Variants in KCNH1 observed in about 807,000 individuals in gnomAD.
The protein encoded by KCNH1 is potassium voltage-gated channel subfamily H member 1.
In KCNH1, 27 loss-of-function variants were observed where a neutral mutation model predicts 69.2. That is an observed-to-expected ratio of 0.39 (90% CI 0.29 to 0.54). The LOEUF is 0.54. KCNH1 is among the 20% of genes least tolerant of loss of function. The pLI is 0.68. For missense variants in KCNH1, 798 were observed against 1,261.6 expected (o/e 0.63, Z 5.57); for synonymous variants, 456 against 487.7 (o/e 0.93, Z 0.86).
intron 7 of KCNH1, among the ~76,000 whole-genome samples, chr1:210,891,370 TCA>T (rs1686746486): frequency 1.3e-5 from 2 of 151,900 alleles, no homozygotes; most frequent in South Asian, 4.2e-4. Context: ...GTGAGGAACA[TCA>T]CACACCAGGG....
intron 7 of KCNH1, among the ~76,000 whole-genome samples, chr1:210,842,751 C>A (rs776503976): frequency 4.6e-4 from 70 of 152,150 alleles, no homozygotes; most frequent in Non-Finnish European, 4.3e-4. Flanking sequence ...ATCTTACCCA[C>A]ATGCAGTCCT....
intron 5 of KCNH1, among the ~76,000 whole-genome samples, chr1:211,038,970 C>G (rs982236083): frequency 6.6e-6 from 1 of 152,184 alleles, no homozygotes; most frequent in Admixed American, 6.5e-5. Flanking sequence ...ATATGAATCC[C>G]CAAGACCATG....
intron 5 of KCNH1, among the ~76,000 whole-genome samples, chr1:211,031,848 C>T (rs1466659206): frequency 6.6e-6 from 1 of 152,078 alleles, no homozygotes; most frequent in Non-Finnish European, 1.5e-5. Context: ...TGAAAACTGG[C>T]GCAAGACAGG....
chr1:211,051,598 A>G (rs1571608797), intron 5 of KCNH1, among the ~76,000 whole-genome samples: 3 of 152,290 alleles, frequency 2.0e-5, no homozygotes, highest in African/African-American at 7.2e-5. Flanking sequence ...TGTTTGACAG[A>G]CATAAGTGCC....
At chr1:210,815,819 G>A (rs1308011070) in intron 7 of KCNH1, among the ~76,000 whole-genome samples, 3 of 152,154 alleles carry the variant, frequency 2.0e-5, no homozygotes, top group Admixed American at 6.5e-5. Flanking sequence ...TCCTGCCCAC[G>A]AAGGTGCCAG....
At chr1:211,036,094 G>C (rs1455574770) in intron 5 of KCNH1, among the ~76,000 whole-genome samples, 1 of 152,202 alleles carries the variant, frequency 6.6e-6, no homozygotes, top group Non-Finnish European at 1.5e-5. Context: ...AGAGATAGGA[G>C]AGCAGTCTCA....
At chr1:210,861,318 C>T (rs1685973706) in intron 7 of KCNH1, 1 of 814,214 alleles carries the variant, frequency 1.2e-6, no homozygotes, top group Admixed American at 1.7e-5. Flanking sequence ...TGTTGTAAAA[C>T]TTGAGGAGCC....
chr1:211,130,824 C>T (rs1248731505), intron 1 of KCNH1, among the ~76,000 whole-genome samples: 3 of 152,188 alleles, frequency 2.0e-5, no homozygotes, highest in African/African-American at 7.2e-5. Context: ...CCATTATCCC[C>T]GCCTTTGCCT....
intron 7 of KCNH1, chr1:210,858,991 C>G: frequency 1.1e-5 from 4 of 364,220 alleles, no homozygotes; most frequent in Non-Finnish European, 1.5e-5. Flanking sequence ...CCACTGGTTT[C>G]TTTTCCAGTG....
At chr1:210,692,679 G>T (rs1274508105) in intron 10 of KCNH1, among the ~76,000 whole-genome samples, 2 of 152,196 alleles carry the variant, frequency 1.3e-5, no homozygotes, top group Non-Finnish European at 2.9e-5. Context: ...GAAAAATGCA[G>T]AACACAGAGA....
At chr1:210,913,716 G>A (rs1193043640) in intron 7 of KCNH1, among the ~76,000 whole-genome samples, 1 of 152,194 alleles carries the variant, frequency 6.6e-6, no homozygotes, top group African/African-American at 2.4e-5. Context: ...ACTATGGGGA[G>A]AAGAAGGAAA....
At chr1:210,867,029 A>G (rs1158454074) in intron 7 of KCNH1, among the ~76,000 whole-genome samples, 1 of 152,090 alleles carries the variant, frequency 6.6e-6, no homozygotes, top group Non-Finnish European at 1.5e-5. Context: ...CACATATTGT[A>G]CAATTCAATT....
intron 7 of KCNH1, among the ~76,000 whole-genome samples, chr1:210,893,261 G>C (rs1162288063): frequency 2.6e-5 from 4 of 152,070 alleles, no homozygotes; most frequent in Non-Finnish European, 5.9e-5. Context: ...TTTTGGTTTT[G>C]AAAGATTTTT....
chr1:210,918,513 T>G (rs1290081185), intron 7 of KCNH1, among the ~76,000 whole-genome samples: 4 of 152,202 alleles, frequency 2.6e-5, no homozygotes, highest in Non-Finnish European at 2.9e-5. Context: ...AAGACTCCCT[T>G]TAATGAAGGG....
At chr1:210,840,156 C>A (rs1370077164) in intron 7 of KCNH1, among the ~76,000 whole-genome samples, 1 of 152,152 alleles carries the variant, frequency 6.6e-6, no homozygotes, top group African/African-American at 2.4e-5. Context: ...TGCATTAGGG[C>A]ATTTTTCTTT....
chr1:210,865,709 C>A (rs1400315287), intron 7 of KCNH1, among the ~76,000 whole-genome samples: 2 of 152,202 alleles, frequency 1.3e-5, no homozygotes, highest in Non-Finnish European at 2.9e-5. Context: ...CTCTCCTACA[C>A]CCCAATCGCA....
At chr1:211,082,099 C>A (rs1288188012) in intron 5 of KCNH1, among the ~76,000 whole-genome samples, 4 of 152,136 alleles carry the variant, frequency 2.6e-5, no homozygotes, top group Non-Finnish European at 5.9e-5. Context: ...TAGCCTCTTA[C>A]TTGCCCCAGC....
intron 6 of KCNH1, among the ~76,000 whole-genome samples, chr1:211,013,643 T>A (rs1271012476): frequency 1.3e-5 from 2 of 152,170 alleles, no homozygotes; most frequent in Admixed American, 6.5e-5. Context: ...ACAGCTGCCA[T>A]CAGGCAAAAG....
At chr1:210,761,080 G>A (rs373432692) in intron 10 of KCNH1, among the ~76,000 whole-genome samples, 4,412 of 150,344 alleles carry the variant, frequency 0.029, 205 homozygotes, top group African/African-American at 0.099. Context: ...GTGAAACCCC[G>A]TCTCTACTAA....
Sources: gnomAD v4.1 joint callset for allele counts (sites outside exome capture counted in the v4.1 genomes callset) on GRCh38, gnomAD v4.1.1 for gene constraint, MANE v1.5 for transcripts, NCBI Gene and HGNC (gene_info 2026-07-23, HGNC 2026-07-21) for gene names.